Variants in CYP20A1 observed in about 807,000 individuals in gnomAD.
CYP20A1 encodes the protein cytochrome P450 20A1.
Under a neutral mutation model 61.4 loss-of-function variants are expected in CYP20A1, and 61 were observed. The ratio of observed to expected loss-of-function variants is 0.99; its 90% CI spans 0.81 to 1.23. The LOEUF is 1.23. CYP20A1 is among the 50% of genes most tolerant of loss of function. The pLI, the probability that CYP20A1 is intolerant of heterozygous loss-of-function variation, is 0.00. For missense variants in CYP20A1, 530 were observed against 542.4 expected, an observed-to-expected ratio of 0.98 and a Z score of 0.23; for synonymous variants, 193 against 188.2, an observed-to-expected ratio of 1.03 and a Z score of -0.21.
At chr2:203,247,966 C>T (rs1250113131) in intron 3 of CYP20A1, among the ~76,000 whole-genome samples, 2 of 152,134 alleles carry the variant, frequency 1.3e-5, no homozygotes, top group African/African-American at 2.4e-5. Context: ...TGGCTCACAC[C>T]TGTAATCCCA....
chr2:203,239,128 C>G lies in CYP20A1; in HGVS notation c.66C>G (p.Leu22=). ...CGTTGGTGGGAGCCGTGCTCTACCT[C>G]TATCCGGTGAGCGCCGTCTTGGCTC... The part of the protein sequence containing the change: ...LLALVGAVLY[L]YPASRQAAGI... The change falls in exon 1 of 13, where the codon CTC becomes CTG. Residue 22 remains leucine (L), a synonymous_variant. Transcript: ENST00000356079. 1 of 1,613,070 alleles carries G rather than the reference C, an allele frequency of 6.2e-7. No homozygotes were observed. The highest frequency in any genetic ancestry group is 8.5e-7 in the Non-Finnish European group (1 of 1,179,534).
rs1401887407 is a variant in CYP20A1 at position 203,245,893 on chromosome 2, A to G, written c.120A>G (p.Glu40=). ...TTCCAGGGATTACTCCAACTGAAGA[A>G]AAGTGAGTAATTATTTTCTTGGAAT... ...AGIPGITPTE[E]KDGNLPDIVN... is the part of the protein sequence containing the mutation. The change falls in exon 2 of 13, where the codon GAA becomes GAG. Residue 40 remains glutamate (E), a splice_region_variant and synonymous_variant. Coordinates refer to ENST00000356079, the MANE Select transcript of CYP20A1 (RefSeq NM_177538.3). 1 of 1,588,086 alleles carries G rather than the reference A, an allele frequency of 6.3e-7. No homozygotes were observed. The highest frequency in any genetic ancestry group is 8.6e-7 in the Non-Finnish European group (1 of 1,160,106).
rs575058733 is a variant in CYP20A1 at position 203,293,214 on chromosome 2, C to CTTT, written c.1148+889_1148+890insTTT. Among the ~76,000 whole-genome samples, 514 of 128,812 alleles carry CTTT rather than the reference C, an allele frequency of 4.0e-3. 73 individuals are homozygous for CTTT. The highest frequency in any genetic ancestry group is 4.4e-3 in the Non-Finnish European group (273 of 62,410). 84.5% of individuals were successfully genotyped at this position (128,812 alleles called of 152,430 possible). On this transcript the variant is annotated intron_variant, in intron 11 of 12. Transcript: ENST00000356079. Reference sequence around the variant, plus strand: ...ATTTTTAAAAAAGCAGAATTTCTCTCTCTTTTTTTTTTTTTTTTTGAGATG... The same window carrying CTTT: ...ATTTTTAAAAAAGCAGAATTTCTCTCTTTTCTTTTTTTTTTTTTTTTTGAGATG...
rs1454175797 is a variant in CYP20A1, at chr2:203,251,814, TATA to T, written c.290-151_290-149del. Among the ~76,000 whole-genome samples, 209 of 107,042 alleles carry T rather than the reference TATA, an allele frequency of 2.0e-3. 7 individuals carry two copies. Among genetic ancestry groups the T allele is most frequent in the African/African-American group, 6.1e-3 (204 of 33,198 alleles). The allele number at this position is 107,042 out of a possible 152,430, so 70.2% of individuals were successfully genotyped here. A position where few individuals can be genotyped will look rare whatever the true frequency, so the allele number is the denominator to read the frequency against. ...ATGTGTATATATATATATATATATA[TATA>T]AAAAATAAAAAATAAAAACAAGGGA... On this transcript the variant is annotated intron_variant, in intron 3 of 12. Coordinates refer to ENST00000356079, the MANE Select transcript of CYP20A1 (RefSeq NM_177538.3).
intron 10 of CYP20A1, among the ~76,000 whole-genome samples, chr2:203,290,932 C>T (rs564954961): frequency 5.3e-5 from 8 of 152,218 alleles, no homozygotes; most frequent in African/African-American, 1.9e-4. Context: ...CATGAGCCAC[C>T]ATGCCCATCT....
intron 11 of CYP20A1, among the ~76,000 whole-genome samples, chr2:203,295,468 A>G (rs2068750078): frequency 6.6e-6 from 1 of 152,196 alleles, no homozygotes; most frequent in Admixed American, 6.5e-5. Flanking sequence ...TTTCAGTTGA[A>G]GAGGCAATAT....
At chr2:203,295,192 G>A (rs530544111) in intron 11 of CYP20A1, among the ~76,000 whole-genome samples, 1 of 151,512 alleles carries the variant, frequency 6.6e-6, no homozygotes, top group African/African-American at 2.4e-5. Flanking sequence ...TGATCCGCCT[G>A]CCTCGGCCTC....
At chr2:203,273,710 G>A (rs1388983852) in intron 6 of CYP20A1, among the ~76,000 whole-genome samples, 3 of 152,150 alleles carry the variant, frequency 2.0e-5, no homozygotes, top group Non-Finnish European at 4.4e-5. Flanking sequence ...TTGGGAGGCT[G>A]AGGTAGGCAG....
intron 6 of CYP20A1, 32 bp downstream of exon 6, chr2:203,272,780 C>G (rs567775693): frequency 7.6e-7 from 1 of 1,316,522 alleles, no homozygotes; most frequent in South Asian, 1.3e-5. Flanking sequence ...TTAGTGAGGA[C>G]AAAAAATAAA....
intron 3 of CYP20A1, among the ~76,000 whole-genome samples, chr2:203,251,628 G>C (rs888709569): frequency 6.7e-6 from 1 of 150,212 alleles, no homozygotes. Flanking sequence ...AATTAGCCAG[G>C]AGTGTTGGCA....
At chr2:203,256,265 G>A (rs1051069327) in intron 4 of CYP20A1, among the ~76,000 whole-genome samples, 2 of 151,736 alleles carry the variant, frequency 1.3e-5, no homozygotes, top group Non-Finnish European at 2.9e-5. Flanking sequence ...CACTGCACCC[G>A]GCCAGTTTCC....
At chr2:203,249,728 C>T (rs1396370949) in intron 3 of CYP20A1, among the ~76,000 whole-genome samples, 1 of 151,988 alleles carries the variant, frequency 6.6e-6, no homozygotes, top group Non-Finnish European at 1.5e-5. Flanking sequence ...ACCTGTAATC[C>T]CAGCTACTGG....
chr2:203,252,184 A>G, intron 4 of CYP20A1, 75 bp downstream of exon 4: 1 of 1,165,592 alleles, frequency 8.6e-7, no homozygotes, highest in South Asian at 2.4e-5. Flanking sequence ...ATTGGTGTGT[A>G]CTATCTTTGT....
chr2:203,296,594 A>G, intron 12 of CYP20A1, 31 bp downstream of exon 12: 1 of 1,541,468 alleles, frequency 6.5e-7, no homozygotes, highest in South Asian at 1.2e-5. Context: ...CTCTGTTCTT[A>G]GAATTTTGAT....
chr2:203,272,911 G>A (rs2067664921), intron 6 of CYP20A1, among the ~76,000 whole-genome samples, 163 bp downstream of exon 6: 1 of 150,816 alleles, frequency 6.6e-6, no homozygotes, highest in African/African-American at 2.4e-5. Context: ...GCAGTGGTGC[G>A]ATCTCGGCCA....
chr2:203,248,948 C>T (rs1221613035), intron 3 of CYP20A1, among the ~76,000 whole-genome samples: 3 of 152,150 alleles, frequency 2.0e-5, no homozygotes, highest in African/African-American at 4.8e-5. Context: ...TAGACTCAAG[C>T]GATTCTCCCA....
intron 8 of CYP20A1, among the ~76,000 whole-genome samples, chr2:203,281,167 A>C (rs1453732285): frequency 6.6e-6 from 1 of 152,222 alleles, no homozygotes; most frequent in Non-Finnish European, 1.5e-5. Flanking sequence ...TTTATAAAAA[A>C]TACTTCAATA....
intron 8 of CYP20A1, among the ~76,000 whole-genome samples, chr2:203,281,830 T>C (rs962162892): frequency 1.3e-5 from 2 of 151,906 alleles, no homozygotes; most frequent in Admixed American, 6.6e-5. Flanking sequence ...AAGGAAGTAT[T>C]AGGACATGAA....
intron 1 of CYP20A1, among the ~76,000 whole-genome samples, chr2:203,243,511 AG>A (rs1201698657): frequency 1.3e-5 from 2 of 151,562 alleles, no homozygotes; most frequent in East Asian, 3.9e-4. Flanking sequence ...CAGCCTCCTG[AG>A]TAGCTGGCAT....
Sources: allele counts gnomAD v4.1 joint callset (sites outside exome capture counted in the v4.1 genomes callset), GRCh38; gene constraint gnomAD v4.1.1; transcripts MANE v1.5; gene names NCBI Gene and HGNC (gene_info 2026-07-23, HGNC 2026-07-21).